Variants in KLF12 observed in about 807,000 individuals in gnomAD.
KLF12 encodes the protein Krueppel-like factor 12.
A neutral mutation model predicts 37.8 loss-of-function variants in KLF12; 9 were observed. The observed-to-expected ratio is 0.24, with a 90% CI of 0.14 to 0.42. KLF12 has a LOEUF of 0.42. Ranked by LOEUF, KLF12 falls within the 10% of genes least tolerant of loss-of-function variation. The probability of loss-of-function intolerance (pLI) is 1.00; values close to 1 mark genes in which losing one functional copy is unlikely to be tolerated. For synonymous variants in KLF12, 208 were observed against 202.1 expected (o/e 1.03, Z -0.25); for missense variants, 411 against 516.0 (o/e 0.80, Z 1.97).
intron 6 of KLF12, among the ~76,000 whole-genome samples, chr13:73,748,068 G>A (rs1196771046): frequency 6.6e-6 from 1 of 152,140 alleles, no homozygotes; most frequent in Non-Finnish European, 1.5e-5. Context: ...TGAAAACGAT[G>A]AATTTGTGGA....
At chr13:74,282,755 G>C in the KLF12 span, among the ~76,000 whole-genome samples, 1 of 152,228 alleles carries the variant, frequency 6.6e-6, no homozygotes, top group East Asian at 1.9e-4. Flanking sequence ...AATGAAATAG[G>C]GATGGGTCTC....
At chr13:74,285,226 G>A in the KLF12 span, among the ~76,000 whole-genome samples, 3 of 150,812 alleles carry the variant, frequency 2.0e-5, no homozygotes, top group Non-Finnish European at 4.4e-5. Flanking sequence ...CTTGTTAATT[G>A]CATCTGCAGT....
intron 7 of KLF12, among the ~76,000 whole-genome samples, chr13:73,704,582 C>G (rs1403521312): frequency 1.3e-5 from 2 of 152,190 alleles, no homozygotes; most frequent in Admixed American, 1.3e-4. Context: ...TTACCAGGAC[C>G]AGTTTCTAAT....
intron 5 of KLF12, among the ~76,000 whole-genome samples, chr13:73,791,272 T>C (rs1881673032): frequency 6.6e-6 from 1 of 152,228 alleles, no homozygotes; most frequent in Non-Finnish European, 1.5e-5. Context: ...TAGTGAAAGC[T>C]ACAATTTATT....
chr13:74,048,671 G>A (rs1022269203), intron 1 of KLF12, among the ~76,000 whole-genome samples: 1 of 151,924 alleles, frequency 6.6e-6, no homozygotes, highest in African/African-American at 2.4e-5. Flanking sequence ...ACAAAGCCCT[G>A]GTAAAACATA....
In KLF12 at chr13:74,110,567, C is replaced by T. The variant is rs566215364; in HGVS notation, c.-32+23172G>A. 3.9e-5 allele frequency among the ~76,000 whole-genome samples: 6 copies of T among 152,274 alleles called. No individual in the cohort carries two copies. The South Asian group carries it at 1.2e-3, about 32-fold the overall frequency. On this transcript the variant is annotated intron_variant, in intron 1 of 7. Transcript: ENST00000377669. ...CAGAGTTTTTCTGTAACCCTCCCAACAAATGCAAAACAGGTATTTTTCCTA... is the reference window on the plus strand; with the variant it reads ...CAGAGTTTTTCTGTAACCCTCCCAATAAATGCAAAACAGGTATTTTTCCTA...
chr13:74,115,060 A>G (rs1877209046), intron 1 of KLF12, among the ~76,000 whole-genome samples: 1 of 152,176 alleles, frequency 6.6e-6, no homozygotes. Context: ...CTTCCATGAA[A>G]CCAGCCCTGG....
In KLF12 at chr13:74,075,894, A is replaced by G. The variant is rs185379746; in HGVS notation, c.-32+57845T>C. On this transcript the variant is annotated intron_variant, in intron 1 of 7. Coordinates refer to ENST00000377669, the MANE Select transcript of KLF12 (RefSeq NM_007249.5). Reference sequence around the variant, plus strand: ...AATGGCTGAGAAATAATTACAGTGTAATTAAAGGTTTTCAAACACAATTCT... The same window carrying G: ...AATGGCTGAGAAATAATTACAGTGTGATTAAAGGTTTTCAAACACAATTCT... Among the ~76,000 whole-genome samples, 308 of 152,314 alleles carry G rather than the reference A, an allele frequency of 2.0e-3. 2 individuals carry two copies. Among genetic ancestry groups the G allele is most frequent in the East Asian group, 5.6e-3 (29 of 5,192 alleles).
At chr13:74,060,522 GTGTGT>G (rs1249869364) in intron 1 of KLF12, among the ~76,000 whole-genome samples, 1 of 146,976 alleles carries the variant, frequency 6.8e-6, no homozygotes, top group Non-Finnish European at 1.5e-5. Flanking sequence ...GTGTGTGTGT[GTGTGT>G]GTGTTGTAAA....
At chr13:73,841,086 T>C (rs1230315276) in intron 4 of KLF12, among the ~76,000 whole-genome samples, 1 of 152,188 alleles carries the variant, frequency 6.6e-6, no homozygotes, top group Non-Finnish European at 1.5e-5. Context: ...TAGCATCTGA[T>C]ACACATGAAC....
chr13:73,858,243 C>T (rs1008556671), intron 3 of KLF12, among the ~76,000 whole-genome samples: 5 of 152,002 alleles, frequency 3.3e-5, no homozygotes, highest in African/African-American at 1.2e-4. Flanking sequence ...TCCTAGTGAA[C>T]AATAATGTCA....
intron 1 of KLF12, among the ~76,000 whole-genome samples, chr13:74,110,382 C>T (rs1876904894): frequency 1.3e-5 from 2 of 152,180 alleles, no homozygotes; most frequent in South Asian, 4.1e-4. Flanking sequence ...CCCTCTGCTA[C>T]AAGAATTACA....
Position 74,041,691 on chromosome 13 carries a change from T to TACACACACAC in KLF12, c.-31-46648_-31-46639dup, listed in dbSNP as rs59315484. On this transcript the variant is annotated intron_variant, in intron 1 of 7. Transcript: ENST00000377669. ...TATGAAATTCCCCAGATCGCTGATT[T>TACACACACAC]ACACACACACACACACACACACACA... 6.4e-4 allele frequency among the ~76,000 whole-genome samples: 91 copies of TACACACACAC among 142,370 alleles called. 1 individual carries two copies. The highest frequency in any genetic ancestry group is 3.6e-3 in the Middle Eastern group (1 of 278). 93.4% of individuals were successfully genotyped at this position (142,370 alleles called of 152,430 possible).
At chr13:73,893,363 T>C (rs1242354124) in intron 3 of KLF12, among the ~76,000 whole-genome samples, 1 of 142,834 alleles carries the variant, frequency 7.0e-6, no homozygotes, top group Non-Finnish European at 1.5e-5. Context: ...CAATCAACAA[T>C]ATTGACTTTT....
At chr13:73,697,293 A>C (rs1299484934) in intron 7 of KLF12, among the ~76,000 whole-genome samples, 2 of 152,204 alleles carry the variant, frequency 1.3e-5, no homozygotes, top group Admixed American at 1.3e-4. Context: ...AAGAGAGTGA[A>C]TAGTTCAGGC....
At chr13:74,280,618 T>C in the KLF12 span, among the ~76,000 whole-genome samples, 192 of 152,326 alleles carry the variant, frequency 1.3e-3, 2 homozygotes, top group East Asian at 0.03. Flanking sequence ...TCACATTCTC[T>C]AGTTTTCTGC....
rs140916810 is a variant in KLF12 at position 73,807,274 on chromosome 13, A to T, written c.806+5878T>A. ...CAGTGAGCCGAGATCGTGCCATTGCACTACAGCCTGGGTGACAAGAGTGAA... is the reference window on the plus strand; with the variant it reads ...CAGTGAGCCGAGATCGTGCCATTGCTCTACAGCCTGGGTGACAAGAGTGAA... On this transcript the variant is annotated intron_variant, in intron 5 of 7. Coordinates refer to ENST00000377669, the MANE Select transcript of KLF12 (RefSeq NM_007249.5). Among the ~76,000 whole-genome samples, 1,182 of 151,930 alleles carry T rather than the reference A, an allele frequency of 7.8e-3. 19 individuals carry two copies. The highest frequency in any genetic ancestry group is 0.027 in the African/African-American group (1,113 of 41,440).
chr13:74,154,551 T>C, the KLF12 span, among the ~76,000 whole-genome samples: 1 of 152,216 alleles, frequency 6.6e-6, no homozygotes, highest in South Asian at 2.1e-4. Context: ...CCTTTTCCTC[T>C]GCCAGGGAGT....
intron 5 of KLF12, chr13:73,801,308 C>T (rs1427634197): frequency 2.0e-5 from 3 of 151,996 alleles, no homozygotes; most frequent in Non-Finnish European, 4.4e-5. Context: ...CAGAATGTCT[C>T]GAGCATTTGA....
Sources: gnomAD v4.1 joint callset for allele counts (sites outside exome capture counted in the v4.1 genomes callset) on GRCh38, gnomAD v4.1.1 for gene constraint, MANE v1.5 for transcripts, NCBI Gene and HGNC (gene_info 2026-07-23, HGNC 2026-07-21) for gene names.